GPC3: variants seen among roughly 807,000 people sequenced by gnomAD.
The protein encoded by GPC3 is glypican-3.
GPC3 carries 3 observed loss-of-function variants against 34.4 expected under a neutral mutation model. That is an observed-to-expected ratio of 0.09 (90% CI 0.04 to 0.23). GPC3 has a LOEUF of 0.23. Ranked by LOEUF, GPC3 falls within the 10% of genes least tolerant of loss-of-function variation. GPC3 has a pLI of 1.00. For missense variants in GPC3, 351 were observed against 445.6 expected (o/e 0.79, Z 1.91); for synonymous variants, 177 against 174.0 (o/e 1.02, Z -0.13).
At chrX:133,788,697 C>T (rs1261992868) in intron 2 of GPC3, among the ~76,000 whole-genome samples, 1 of 105,279 alleles carries the variant, frequency 9.5e-6, no homozygotes, top group Non-Finnish European at 2.0e-5. Flanking sequence ...CCTCCTCCTC[C>T]CTCTCCTCCT....
intron 1 of GPC3, among the ~76,000 whole-genome samples, chrX:133,958,001 C>T (rs976386161): frequency 8.1e-5 from 9 of 111,149 alleles, no homozygotes; most frequent in Admixed American, 9.5e-5. Flanking sequence ...CATTCCCAGA[C>T]GCTAAAAAAA....
chrX:133,676,635 G>C (rs1298945794), intron 5 of GPC3, among the ~76,000 whole-genome samples: 1 of 112,364 alleles, frequency 8.9e-6, no homozygotes, highest in African/African-American at 3.2e-5. Context: ...TATTGTGTGA[G>C]GCTGTACACA....
intron 2 of GPC3, among the ~76,000 whole-genome samples, chrX:133,940,118 C>T (rs191793048): frequency 9.0e-6 from 1 of 111,202 alleles, no homozygotes; most frequent in Non-Finnish European, 1.9e-5. Context: ...GGCTGCCACC[C>T]TGCCATAGAA....
At chrX:133,653,629 C>T (rs2070623892) in intron 6 of GPC3, among the ~76,000 whole-genome samples, 1 of 111,642 alleles carries the variant, frequency 9.0e-6, no homozygotes, top group South Asian at 3.8e-4. Context: ...GACCTCCCCA[C>T]CCGGTGCAAC....
At chrX:133,906,231 A>G (rs1320978900) in intron 2 of GPC3, among the ~76,000 whole-genome samples, 1 of 112,125 alleles carries the variant, frequency 8.9e-6, no homozygotes, top group African/African-American at 3.2e-5. Flanking sequence ...AAGAATCAAG[A>G]TATCTCTGCC....
At chrX:133,684,061 C>T (rs1466139233) in intron 5 of GPC3, among the ~76,000 whole-genome samples, 1 of 112,031 alleles carries the variant, frequency 8.9e-6, no homozygotes, top group Non-Finnish European at 1.9e-5. Context: ...CAAAGGCTTT[C>T]CAAGAGCAAT....
chrX:133,969,632 T>TA (rs918140786), intron 1 of GPC3, among the ~76,000 whole-genome samples: 2 of 109,865 alleles, frequency 1.8e-5, no homozygotes, highest in African/African-American at 3.3e-5. Context: ...ATTTCTCCTT[T>TA]AAAAAAAAAC....
chrX:133,931,964 A>G (rs375280084), intron 2 of GPC3, among the ~76,000 whole-genome samples: 1 of 112,144 alleles, frequency 8.9e-6, no homozygotes. Context: ...CCATATTGTC[A>G]GCAGTCTTCT....
chrX:133,804,419 A>G (rs1342133054), intron 2 of GPC3, among the ~76,000 whole-genome samples: 2 of 109,938 alleles, frequency 1.8e-5, no homozygotes, highest in African/African-American at 6.6e-5. Context: ...AACTCATCCC[A>G]TCCTAGGGTA....
At chrX:133,621,895 A>C (rs1241334092) in intron 6 of GPC3, among the ~76,000 whole-genome samples, 3 of 111,836 alleles carry the variant, frequency 2.7e-5, no homozygotes, top group Admixed American at 9.4e-5. Context: ...ACTGGGAGGC[A>C]CCTCCCAGAA....
intron 1 of GPC3, among the ~76,000 whole-genome samples, chrX:133,981,960 G>A (rs2076541763): frequency 9.0e-6 from 1 of 111,519 alleles, no homozygotes; most frequent in Admixed American, 9.5e-5. Context: ...CACTACCACG[G>A]TTTGTTTGAT....
At chrX:133,732,584 T>C (rs906575963) in intron 3 of GPC3, among the ~76,000 whole-genome samples, 1 of 111,663 alleles carries the variant, frequency 9.0e-6, no homozygotes, top group African/African-American at 3.3e-5. Context: ...TTAATCATCC[T>C]TATGATAAGT....
chrX:133,598,462 T>G (rs1350706485), intron 6 of GPC3, among the ~76,000 whole-genome samples: 9 of 111,774 alleles, frequency 8.1e-5, no homozygotes, highest in Non-Finnish European at 1.7e-4. Context: ...AACAGTTTTA[T>G]AAATCTCTTT....
chrX:133,825,677 T>G (rs1209432696), intron 2 of GPC3, among the ~76,000 whole-genome samples: 1 of 111,623 alleles, frequency 9.0e-6, no homozygotes, highest in East Asian at 2.8e-4. Context: ...CTTAGACATA[T>G]TCATGGAAAT....
intron 2 of GPC3, among the ~76,000 whole-genome samples, chrX:133,863,944 C>CAAA (rs1646343273): frequency 9.0e-6 from 1 of 111,005 alleles, no homozygotes; most frequent in Admixed American, 9.6e-5. Flanking sequence ...CGTGAGCCAC[C>CAAA]GCGCCCGGCC....
At chrX:133,823,945 G>A (rs1352566000) in intron 2 of GPC3, among the ~76,000 whole-genome samples, 1 of 99,345 alleles carries the variant, frequency 1.0e-5, no homozygotes, top group Non-Finnish European at 2.0e-5. Context: ...CTGCACTCTA[G>A]CCTGGGTGAC....
At chrX:133,960,155 C>T (rs889451406) in intron 1 of GPC3, among the ~76,000 whole-genome samples, 6 of 110,084 alleles carry the variant, frequency 5.5e-5, no homozygotes, top group Admixed American at 4.9e-4. Context: ...AGTGGAATAA[C>T]GGGGCAAAGC....
intron 7 of GPC3, among the ~76,000 whole-genome samples, chrX:133,548,024 T>C (rs182036504): frequency 9.0e-6 from 1 of 111,523 alleles, no homozygotes; most frequent in East Asian, 2.8e-4. Context: ...TTTGCTTTTG[T>C]AACTCATACA....
At chrX:133,911,327 G>A (rs1285412524) in intron 2 of GPC3, among the ~76,000 whole-genome samples, 1 of 112,136 alleles carries the variant, frequency 8.9e-6, no homozygotes, top group Admixed American at 9.4e-5. Flanking sequence ...ACGTCTATAT[G>A]CAGTACATAT....
Sources: gnomAD v4.1 joint callset for allele counts (sites outside exome capture counted in the v4.1 genomes callset) on GRCh38, gnomAD v4.1.1 for gene constraint, MANE v1.5 for transcripts, NCBI Gene and HGNC (gene_info 2026-07-23, HGNC 2026-07-21) for gene names.